The following XKR4 variants were observed in gnomAD, a reference collection of about 807,000 sequenced individuals.
XKR4 encodes the protein XK-related protein 4.
Under a neutral mutation model 53.9 loss-of-function variants are expected in XKR4, and 12 were observed. That is an observed-to-expected ratio of 0.22 (90% CI 0.14 to 0.36). XKR4 has a LOEUF of 0.36. XKR4 is among the 10% of genes least tolerant of loss of function. XKR4 has a pLI of 1.00. For synonymous variants in XKR4, 354 were observed against 362.4 expected, an observed-to-expected ratio of 0.98 and a Z score of 0.26; for missense variants, 799 against 859.5, an observed-to-expected ratio of 0.93 and a Z score of 0.88.
intron 1 of XKR4, among the ~76,000 whole-genome samples, chr8:55,146,236 C>T (rs1816771761): frequency 6.6e-6 from 1 of 152,192 alleles, no homozygotes; most frequent in African/African-American, 2.4e-5. Flanking sequence ...CCGAGACTGC[C>T]TGGGAACCTT....
chr8:55,249,679 TCA>T (rs1483278294), intron 1 of XKR4, among the ~76,000 whole-genome samples: 1 of 152,226 alleles, frequency 6.6e-6, no homozygotes, highest in East Asian at 1.9e-4. Context: ...CAAAAAATAT[TCA>T]CAAAGACCTA....
chr8:55,527,494 AATAT>A lies in XKR4; in HGVS notation c.*3273_*3276del, dbSNP rs779139839. The A allele has an allele frequency of 6.6e-6, 1 of 152,212 alleles. No homozygotes were observed. Among genetic ancestry groups the A allele is most frequent in the African/African-American group, 2.4e-5 (1 of 41,454 alleles). 9.4% of individuals were successfully genotyped at this position (152,212 alleles called of 1,614,324 possible). ...TCTAAATATGAAACCATGTTTAATG[AATAT>A]ATATAATGTGTGTGTGTGTATCTTA... is the stretch of plus-strand genomic sequence containing the variant. On this transcript the variant is annotated 3_prime_UTR_variant, in exon 3 of 3. Coordinates refer to ENST00000327381, the MANE Select transcript of XKR4 (RefSeq NM_052898.2).
chr8:55,327,481 T>C (rs1452093466), intron 1 of XKR4, among the ~76,000 whole-genome samples: 1 of 152,320 alleles, frequency 6.6e-6, no homozygotes, highest in East Asian at 1.9e-4. Context: ...AGTTTCTCTT[T>C]CAATTTCTAA....
intron 2 of XKR4, among the ~76,000 whole-genome samples, chr8:55,512,033 A>G (rs1321377752): frequency 1.3e-5 from 2 of 152,156 alleles, no homozygotes; most frequent in Non-Finnish European, 2.9e-5. Context: ...TTCTGTTCAT[A>G]AAGTGCTCTA....
At chr8:55,401,533 C>T (rs536529022) in intron 2 of XKR4, among the ~76,000 whole-genome samples, 2 of 152,366 alleles carry the variant, frequency 1.3e-5, no homozygotes, top group African/African-American at 4.8e-5. Context: ...CCAGCTGAGG[C>T]TCCTGCAATC....
intron 1 of XKR4, among the ~76,000 whole-genome samples, chr8:55,120,354 G>C (rs1157799827): frequency 6.6e-6 from 1 of 152,064 alleles, no homozygotes. Flanking sequence ...ATGAACTTCT[G>C]TTTGTTTTAT....
At chr8:55,132,619 A>C (rs562366572) in intron 1 of XKR4, among the ~76,000 whole-genome samples, 1 of 152,214 alleles carries the variant, frequency 6.6e-6, no homozygotes, top group East Asian at 1.9e-4. Flanking sequence ...ACTGTGCCTG[A>C]CTCCAGGGCC....
intron 2 of XKR4, chr8:55,452,977 G>C: frequency 1.4e-6 from 1 of 714,614 alleles, no homozygotes; most frequent in Admixed American, 1.8e-5. Flanking sequence ...CTCAGGGATG[G>C]CCACAGGCAC....
intron 2 of XKR4, among the ~76,000 whole-genome samples, chr8:55,448,905 ACTGG>A (rs1449905831): frequency 2.6e-5 from 4 of 152,218 alleles, no homozygotes; most frequent in Non-Finnish European, 1.5e-5. Flanking sequence ...AGAGAGTGTT[ACTGG>A]AAGGATAAGC....
chr8:55,312,827 C>G (rs963329450), intron 1 of XKR4, among the ~76,000 whole-genome samples: 1 of 152,044 alleles, frequency 6.6e-6, no homozygotes, highest in African/African-American at 2.4e-5. Flanking sequence ...AATCTAAGAC[C>G]CTTTCTATCA....
chr8:55,504,593 T>C (rs1482377140), intron 2 of XKR4, among the ~76,000 whole-genome samples: 1 of 152,136 alleles, frequency 6.6e-6, no homozygotes, highest in Non-Finnish European at 1.5e-5. Flanking sequence ...ATTGTTCCCT[T>C]CTTTTCAGTA....
At chr8:55,361,036 G>T (rs1478978425) in intron 2 of XKR4, among the ~76,000 whole-genome samples, 1 of 152,164 alleles carries the variant, frequency 6.6e-6, no homozygotes, top group East Asian at 1.9e-4. Context: ...AGCTCTTCAC[G>T]CTCCACAGTC....
chr8:55,476,535 C>T (rs1445824534), intron 2 of XKR4, among the ~76,000 whole-genome samples: 1 of 144,036 alleles, frequency 6.9e-6, no homozygotes, highest in African/African-American at 2.7e-5. Flanking sequence ...GGGTTCATCT[C>T]ACTAGGGAGT....
intron 1 of XKR4, among the ~76,000 whole-genome samples, chr8:55,264,015 G>A (rs535154950): frequency 6.6e-6 from 1 of 152,344 alleles, no homozygotes; most frequent in East Asian, 1.9e-4. Context: ...CAGGACCCAT[G>A]GCTGAGGCAC....
intron 1 of XKR4, among the ~76,000 whole-genome samples, chr8:55,179,097 A>G (rs1817274382): frequency 6.6e-6 from 1 of 152,236 alleles, no homozygotes; most frequent in African/African-American, 2.4e-5. Context: ...ACATCATGAA[A>G]TCAGAGATTG....
chr8:55,338,302 G>A (rs1256481268), intron 1 of XKR4, among the ~76,000 whole-genome samples: 5 of 152,128 alleles, frequency 3.3e-5, no homozygotes, highest in Non-Finnish European at 5.9e-5. Flanking sequence ...TATGGTAAAC[G>A]TCTTACCCTG....
intron 1 of XKR4, among the ~76,000 whole-genome samples, chr8:55,175,119 CA>C (rs1817212773): frequency 6.6e-6 from 1 of 152,164 alleles, no homozygotes; most frequent in Admixed American, 6.5e-5. Context: ...AGAGTACACC[CA>C]AAGACAGCAT....
At chr8:55,417,148 G>A (rs918067732) in intron 2 of XKR4, among the ~76,000 whole-genome samples, 4 of 152,154 alleles carry the variant, frequency 2.6e-5, no homozygotes, top group Non-Finnish European at 4.4e-5. Context: ...GGGTACTAGA[G>A]AGGCTTAAGT....
At chr8:55,516,899 TA>T (rs907451637) in intron 2 of XKR4, among the ~76,000 whole-genome samples, 4 of 151,870 alleles carry the variant, frequency 2.6e-5, no homozygotes, top group Non-Finnish European at 2.9e-5. Flanking sequence ...AGGATTGGAT[TA>T]AAAAAAATAT....
Sources: allele counts gnomAD v4.1 joint callset (sites outside exome capture counted in the v4.1 genomes callset), GRCh38; gene constraint gnomAD v4.1.1; transcripts MANE v1.5; gene names NCBI Gene and HGNC (gene_info 2026-07-23, HGNC 2026-07-21).